The following SPOCK1 variants were observed in gnomAD, a reference collection of about 807,000 sequenced individuals.
SPOCK1 encodes the protein testican-1.
A neutral mutation model predicts 55.3 loss-of-function variants in SPOCK1; 23 were observed. The ratio of observed to expected loss-of-function variants is 0.42; its 90% CI spans 0.30 to 0.59. The LOEUF (loss-of-function observed/expected upper bound fraction) is 0.59. Among genes scored for constraint, SPOCK1 ranks in the 20% least tolerant of loss-of-function variants. The pLI is 0.22. For synonymous variants in SPOCK1, 226 were observed against 221.0 expected (o/e 1.02, Z -0.20); for missense variants, 499 against 552.5 (o/e 0.90, Z 0.97).
In SPOCK1 at chr5:137,215,687, T is replaced by C. The variant is rs191186315; in HGVS notation, c.232+51323A>G. The stretch of plus-strand genomic sequence containing the variant: ...GCCATACTCCCAAACCTCCCAGCAA[T>C]AGGGTTCATGTTCCCCTACCATGAG... On this transcript the variant is annotated intron_variant, in intron 3 of 10. Transcript: ENST00000394945. Among the ~76,000 whole-genome samples the C allele has an allele frequency of 8.3e-4, 127 of 152,272 alleles. 2 individuals carry two copies. Among genetic ancestry groups the C allele is most frequent in the African/African-American group, 2.9e-3 (119 of 41,558 alleles).
intron 3 of SPOCK1, among the ~76,000 whole-genome samples, chr5:137,214,314 C>T (rs1289407910): frequency 6.6e-6 from 1 of 152,090 alleles, no homozygotes; most frequent in Non-Finnish European, 1.5e-5. Context: ...AGAATTGAAA[C>T]CCAAGTTTGT....
Position 136,976,548 on chromosome 5 carries a change from A to C in SPOCK1, c.*2106T>G, listed in dbSNP as rs1316928141. ...TCCTAAGCTCAAAGGAGATAGTAAC[A>C]ATGGTTTTCTTTGATGATCTAAAGT... On this transcript the variant is annotated 3_prime_UTR_variant, in exon 11 of 11. Transcript: ENST00000394945. 1 of 152,630 alleles carries C rather than the reference A, an allele frequency of 6.6e-6. No homozygotes were observed. Among genetic ancestry groups the C allele is most frequent in the Non-Finnish European group, 1.5e-5 (1 of 68,034 alleles). The allele number at this position is 152,630 out of a possible 1,614,324, so 9.5% of individuals were successfully genotyped here.
At chr5:137,170,514 G>A (rs1490717137) in intron 3 of SPOCK1, among the ~76,000 whole-genome samples, 1 of 152,026 alleles carries the variant, frequency 6.6e-6, no homozygotes. Context: ...GTTAGATGAC[G>A]TCATGAAGTA....
chr5:137,088,422 T>C (rs1265675133), intron 5 of SPOCK1, among the ~76,000 whole-genome samples: 3 of 152,342 alleles, frequency 2.0e-5, no homozygotes, highest in Non-Finnish European at 2.9e-5. Context: ...CTATCTCCCA[T>C]ATGGGTTTGT....
intron 2 of SPOCK1, among the ~76,000 whole-genome samples, chr5:137,356,824 TATATATATATATATAGAGAGAG>T (rs1393922196): frequency 2.0e-4 from 4 of 19,754 alleles, no homozygotes; most frequent in South Asian, 2.9e-3. Flanking sequence ...TATATATATA[TATATATATATATATAGAGAGAG>T]AGAGAGAGAG....
intron 5 of SPOCK1, among the ~76,000 whole-genome samples, chr5:137,098,563 A>T (rs1753199357): frequency 6.6e-6 from 1 of 152,246 alleles, no homozygotes; most frequent in African/African-American, 2.4e-5. Context: ...GCATGGAATT[A>T]GTGGATGGAG....
chr5:137,263,952 T>C (rs945555684), intron 3 of SPOCK1, among the ~76,000 whole-genome samples: 1 of 152,186 alleles, frequency 6.6e-6, no homozygotes, highest in African/African-American at 2.4e-5. Flanking sequence ...TAGCACTCGC[T>C]CCATGAAGCC....
intron 5 of SPOCK1, among the ~76,000 whole-genome samples, chr5:137,079,508 T>C (rs1400417525): frequency 1.4e-5 from 2 of 147,386 alleles, no homozygotes; most frequent in African/African-American, 5.0e-5. Flanking sequence ...AAGCTTTGAC[T>C]GTCTCTCCTA....
At chr5:137,367,740 C>T (rs999987534) in intron 2 of SPOCK1, among the ~76,000 whole-genome samples, 2 of 152,218 alleles carry the variant, frequency 1.3e-5, no homozygotes, top group Non-Finnish European at 2.9e-5. Flanking sequence ...TCCCCTGATG[C>T]CTCTTCTCTT....
intron 3 of SPOCK1, among the ~76,000 whole-genome samples, chr5:137,254,840 G>A (rs989020691): frequency 1.3e-5 from 2 of 152,216 alleles, no homozygotes; most frequent in African/African-American, 4.8e-5. Flanking sequence ...GGCTCTGCCT[G>A]CCACTTGGCT....
chr5:136,992,702 A>T, intron 6 of SPOCK1, 102 bp from the exon 7 acceptor site: 1 of 805,276 alleles, frequency 1.2e-6, no homozygotes, highest in South Asian at 1.7e-5. Flanking sequence ...CTTTCTATCC[A>T]ACCACGATAT....
In SPOCK1 at chr5:137,362,775, A is replaced by G. The variant is rs574161266; in HGVS notation, c.187-95720T>C. On this transcript the variant is annotated intron_variant, in intron 2 of 10. Transcript: ENST00000394945. ...CATGGTTGCCTTCAAATAAACCTCT[A>G]TAAAAACAGACAGACAGGGCAGATT... Among the ~76,000 whole-genome samples the G allele has an allele frequency of 3.3e-5, 5 of 152,334 alleles. No individual in the cohort carries two copies. The East Asian group carries it at 9.6e-4, about 29-fold the overall frequency.
intron 9 of SPOCK1, among the ~76,000 whole-genome samples, chr5:136,980,199 G>GTGA (rs2126957052): frequency 7.0e-6 from 1 of 142,360 alleles, no homozygotes; most frequent in East Asian, 2.0e-4. Flanking sequence ...AAAAAAAAAA[G>GTGA]TGATAAACTG....
chr5:137,195,075 C>G (rs187152004), intron 3 of SPOCK1, among the ~76,000 whole-genome samples: 1 of 152,202 alleles, frequency 6.6e-6, no homozygotes, highest in Non-Finnish European at 1.5e-5. Context: ...TTAAATTCAC[C>G]ACACGGCAAA....
At chr5:137,456,004 G>C (rs141510034) in intron 2 of SPOCK1, among the ~76,000 whole-genome samples, 374 of 152,122 alleles carry the variant, frequency 2.5e-3, no homozygotes, top group Middle Eastern at 0.017. Context: ...CTCCAGCTTG[G>C]GCAACAGAGT....
chr5:137,234,933 AT>A (rs1391836371), intron 3 of SPOCK1, among the ~76,000 whole-genome samples: 2 of 152,238 alleles, frequency 1.3e-5, no homozygotes, highest in Admixed American at 1.3e-4. Flanking sequence ...CAACACTGAC[AT>A]TAAAGGGTTT....
chr5:137,224,881 A>AG (rs1390200227), intron 3 of SPOCK1, among the ~76,000 whole-genome samples: 1 of 152,126 alleles, frequency 6.6e-6, no homozygotes, highest in Non-Finnish European at 1.5e-5. Flanking sequence ...CTTCAATCAC[A>AG]GGGGGCTGGA....
chr5:137,328,377 T>C (rs1295317233), intron 2 of SPOCK1, among the ~76,000 whole-genome samples: 1 of 152,216 alleles, frequency 6.6e-6, no homozygotes, highest in Non-Finnish European at 1.5e-5. Context: ...ATCTCTCATT[T>C]AAATGACAAA....
At chr5:137,258,512 G>A (rs1188612506) in intron 3 of SPOCK1, among the ~76,000 whole-genome samples, 1 of 152,180 alleles carries the variant, frequency 6.6e-6, no homozygotes, top group African/African-American at 2.4e-5. Flanking sequence ...ATTCTCAAAT[G>A]AGAAAAATTT....
Sources: gnomAD v4.1 joint callset for allele counts (sites outside exome capture counted in the v4.1 genomes callset) on GRCh38, gnomAD v4.1.1 for gene constraint, MANE v1.5 for transcripts, NCBI Gene and HGNC (gene_info 2026-07-23, HGNC 2026-07-21) for gene names.